Variants in SLC24A2 observed in about 807,000 individuals in gnomAD.
SLC24A2 encodes solute carrier family 24 member 2.
A neutral mutation model predicts 62.0 loss-of-function variants in SLC24A2; 36 were observed. The ratio of observed to expected loss-of-function variants is 0.58; its 90% CI spans 0.44 to 0.77. The LOEUF (loss-of-function observed/expected upper bound fraction) is 0.77. Ranked by LOEUF, SLC24A2 falls within the 30% of genes least tolerant of loss-of-function variation. The probability of loss-of-function intolerance (pLI) is 0.00; values close to 1 mark genes in which losing one functional copy is unlikely to be tolerated. For synonymous variants in SLC24A2, 358 were observed against 294.0 expected (o/e 1.22, Z -2.23); for missense variants, 846 against 817.9 (o/e 1.03, Z -0.42).
At chr9:19,785,859 G>T (rs1823148516) in intron 2 of SLC24A2, 78 bp downstream of exon 2, 1 of 1,584,678 alleles carries the variant, frequency 6.3e-7, no homozygotes, top group Non-Finnish European at 8.7e-7. Flanking sequence ...CACATCAAAA[G>T]AACTGCAGAT....
chr9:19,655,753 C>T (rs1818925291), intron 2 of SLC24A2, among the ~76,000 whole-genome samples: 1 of 152,120 alleles, frequency 6.6e-6, no homozygotes, highest in African/African-American at 2.4e-5. Flanking sequence ...TAATGGGTTT[C>T]AACTCCCCTG....
At chr9:19,584,273 T>TAAAAAAAAAA (rs5896848) in intron 5 of SLC24A2, among the ~76,000 whole-genome samples, 47 of 119,888 alleles carry the variant, frequency 3.9e-4, no homozygotes, top group Admixed American at 4.9e-4. Flanking sequence ...TAGCAAATAG[T>TAAAAAAAAAA]AAAAAAAAAA....
At chr9:19,950,490 G>C in the SLC24A2 span, among the ~76,000 whole-genome samples, 1 of 152,082 alleles carries the variant, frequency 6.6e-6, no homozygotes, top group Non-Finnish European at 1.5e-5. Context: ...TAAAATAATA[G>C]GTCTGGGTGA....
At chr9:19,663,571 G>A (rs1564024683) in intron 2 of SLC24A2, among the ~76,000 whole-genome samples, 1 of 152,136 alleles carries the variant, frequency 6.6e-6, no homozygotes, top group Non-Finnish European at 1.5e-5. Flanking sequence ...AGCAGTAAAG[G>A]CCCTGGGTCC....
At chr9:19,789,128 G>C (rs143351221), upstream of SLC24A2, among the ~76,000 whole-genome samples, 1,907 of 152,334 alleles carry the variant, frequency 0.013, 35 homozygotes, top group African/African-American at 0.032. Context: ...CTGGGAGCGG[G>C]GCCGCAGCGC....
intron 7 of SLC24A2, among the ~76,000 whole-genome samples, chr9:19,565,310 A>G (rs982425954): frequency 2.1e-5 from 3 of 144,922 alleles, no homozygotes; most frequent in African/African-American, 5.2e-5. Context: ...AAGCATTCTT[A>G]TACACCAACA....
intron 2 of SLC24A2, among the ~76,000 whole-genome samples, chr9:19,740,917 A>G (rs543572535): frequency 2.0e-4 from 30 of 152,220 alleles, no homozygotes; most frequent in Admixed American, 1.6e-3. Context: ...GAGACCCACA[A>G]CAGCCTCATC....
chr9:20,291,780 G>A, the SLC24A2 span, among the ~76,000 whole-genome samples: 134 of 152,238 alleles, frequency 8.8e-4, no homozygotes, highest in Non-Finnish European at 1.4e-3. Flanking sequence ...CTTTGTAGCA[G>A]ATCTAGGGAT....
chr9:19,787,721 C>G (rs1169604541), intron 1 of SLC24A2, among the ~76,000 whole-genome samples: 1 of 151,624 alleles, frequency 6.6e-6, no homozygotes, highest in African/African-American at 2.4e-5. Flanking sequence ...TTGTTTTCAG[C>G]TAAATATTTT....
chr9:19,901,131 G>T, the SLC24A2 span, among the ~76,000 whole-genome samples: 2 of 152,306 alleles, frequency 1.3e-5, no homozygotes, highest in East Asian at 3.9e-4. Flanking sequence ...TCATGTGCCA[G>T]ATGTGAACTG....
chr9:20,011,824 T>C, the SLC24A2 span, among the ~76,000 whole-genome samples: 1 of 151,930 alleles, frequency 6.6e-6, no homozygotes, highest in Non-Finnish European at 1.5e-5. Flanking sequence ...TAAGAACACG[T>C]CAAAAGAATC....
At chr9:20,177,580 T>G in the SLC24A2 span, among the ~76,000 whole-genome samples, 2 of 152,114 alleles carry the variant, frequency 1.3e-5, no homozygotes, top group Admixed American at 1.3e-4. Context: ...TTGGAACATA[T>G]AGAGTCAGAT....
chr9:19,839,977 C>T, the SLC24A2 span, among the ~76,000 whole-genome samples: 2 of 152,168 alleles, frequency 1.3e-5, no homozygotes, highest in Admixed American at 6.6e-5. Flanking sequence ...TATGTGAGTA[C>T]ACTCTGTGTT....
At chr9:20,140,466 T>A in the SLC24A2 span, among the ~76,000 whole-genome samples, 1 of 152,222 alleles carries the variant, frequency 6.6e-6, no homozygotes, top group East Asian at 1.9e-4. Flanking sequence ...AAACTTTCTA[T>A]TCCCTTGTGA....
At chr9:19,709,273 G>T (rs890163796) in intron 2 of SLC24A2, among the ~76,000 whole-genome samples, 1 of 152,052 alleles carries the variant, frequency 6.6e-6, no homozygotes, top group Non-Finnish European at 1.5e-5. Flanking sequence ...TGGAGAGGAT[G>T]TGGAGAAATA....
chr9:19,844,179 C>T, the SLC24A2 span, among the ~76,000 whole-genome samples: 570 of 152,314 alleles, frequency 3.7e-3, 2 homozygotes, highest in Non-Finnish European at 6.2e-3. Flanking sequence ...ATAGCCTTGC[C>T]AGCATCTGTT....
intron 2 of SLC24A2, among the ~76,000 whole-genome samples, chr9:19,628,914 C>A (rs144910689): frequency 6.6e-6 from 1 of 152,052 alleles, no homozygotes; most frequent in Non-Finnish European, 1.5e-5. Flanking sequence ...TTGTGCCCTG[C>A]GAGGTGCGGG....
chr9:19,557,417 T>A (rs980291404), intron 7 of SLC24A2, among the ~76,000 whole-genome samples: 3 of 152,182 alleles, frequency 2.0e-5, no homozygotes, highest in Non-Finnish European at 4.4e-5. Flanking sequence ...AGGCGGTGGT[T>A]CTTATCCTGG....
At chr9:19,550,617 T>TCC (rs1305968273) in intron 7 of SLC24A2, among the ~76,000 whole-genome samples, 1 of 152,016 alleles carries the variant, frequency 6.6e-6, no homozygotes, top group East Asian at 1.9e-4. Context: ...GACCACCATC[T>TCC]CCCCATCTTT....
Sources: gnomAD v4.1 joint callset for allele counts (sites outside exome capture counted in the v4.1 genomes callset) on GRCh38, gnomAD v4.1.1 for gene constraint, MANE v1.5 for transcripts, NCBI Gene and HGNC (gene_info 2026-07-23, HGNC 2026-07-21) for gene names.